MLIP: variants seen among roughly 807,000 people sequenced by gnomAD.
MLIP encodes the protein muscular LMNA interacting protein, also known as muscular LMNA-interacting protein.
MLIP carries 79 observed loss-of-function variants against 84.8 expected under a neutral mutation model. That is an observed-to-expected ratio of 0.93 (90% CI 0.78 to 1.12). MLIP has a LOEUF of 1.12. MLIP is among the 50% of genes most tolerant of loss of function. MLIP has a pLI of 0.00. For synonymous variants in MLIP, 504 were observed against 463.0 expected (o/e 1.09, Z -1.14); for missense variants, 1,257 against 1,160.6 (o/e 1.08, Z -1.21).
chr6:54,219,909 A>T (rs1322306219), intron 11 of MLIP, among the ~76,000 whole-genome samples: 3 of 152,162 alleles, frequency 2.0e-5, no homozygotes, highest in African/African-American at 4.8e-5. Flanking sequence ...CATACGATTT[A>T]TCATTTTTAA....
chr6:54,029,534 A>G (rs1395978606), intron 1 of MLIP: 1 of 152,192 alleles, frequency 6.6e-6, no homozygotes, highest in Non-Finnish European at 1.5e-5. Flanking sequence ...CCCGGAGTAT[A>G]TTTCTGTTCT....
chr6:54,170,973 A>AC lies in MLIP; in HGVS notation c.2544+1407dup, dbSNP rs533400511. The stretch of plus-strand genomic sequence containing the variant: ...GACTAATACATTTTACAAGAGCCAG[A>AC]CCCCCCAAAAAAGTTGCTGCAATTT... On this transcript the variant is annotated intron_variant, in intron 9 of 13. Coordinates refer to ENST00000502396, the MANE Select transcript of MLIP (RefSeq NM_001281747.2). Among the ~76,000 whole-genome samples, 5 of 151,174 alleles carry AC rather than the reference A, an allele frequency of 3.3e-5. No homozygotes were observed. The South Asian group carries it at 6.3e-4, about 19-fold the overall frequency.
intron 11 of MLIP, among the ~76,000 whole-genome samples, chr6:54,227,065 G>T (rs1780625350): frequency 6.6e-6 from 1 of 152,290 alleles, no homozygotes; most frequent in South Asian, 2.1e-4. Context: ...CCCTCTTGCT[G>T]TTGTCATGAC....
intron 12 of MLIP, among the ~76,000 whole-genome samples, chr6:54,252,407 A>G (rs1205317146): frequency 9.6e-6 from 1 of 103,630 alleles, no homozygotes; most frequent in African/African-American, 4.7e-5. Context: ...TATATAATAT[A>G]ACTATAGTAT....
At chr6:54,232,074 C>T (rs143106824) in intron 12 of MLIP, among the ~76,000 whole-genome samples, 113 of 151,984 alleles carry the variant, frequency 7.4e-4, no homozygotes, top group African/African-American at 2.5e-3. Flanking sequence ...GTTTGTGTCC[C>T]ATTCTTGGTC....
intron 1 of MLIP, among the ~76,000 whole-genome samples, chr6:54,101,237 T>C (rs1768620315): frequency 6.6e-6 from 1 of 152,046 alleles, no homozygotes; most frequent in South Asian, 2.1e-4. Context: ...GTAAAAATAT[T>C]AAGGGGGGAA....
intron 9 of MLIP, among the ~76,000 whole-genome samples, chr6:54,174,247 T>C (rs1198798025): frequency 3.3e-5 from 5 of 152,068 alleles, no homozygotes; most frequent in Non-Finnish European, 7.4e-5. Context: ...CTTTTGGGTA[T>C]ATGACCAGCA....
chr6:54,075,457 T>A (rs374085854), intron 1 of MLIP, among the ~76,000 whole-genome samples: 1 of 152,142 alleles, frequency 6.6e-6, no homozygotes, highest in Non-Finnish European at 1.5e-5. Context: ...TCAAGGCAAC[T>A]TTTAATTATG....
At chr6:54,156,757 C>G (rs576634503) in intron 5 of MLIP, among the ~76,000 whole-genome samples, 2 of 152,094 alleles carry the variant, frequency 1.3e-5, no homozygotes, top group Non-Finnish European at 2.9e-5. Context: ...TAAAGACCTT[C>G]ACTAAGCACC....
intron 4 of MLIP, among the ~76,000 whole-genome samples, chr6:54,140,394 A>G (rs1051709124): frequency 6.6e-6 from 1 of 152,160 alleles, no homozygotes; most frequent in Non-Finnish European, 1.5e-5. Context: ...AATTTTCAGC[A>G]TTTGCTTTTT....
At chr6:54,093,949 A>G (rs1291679800) in intron 1 of MLIP, among the ~76,000 whole-genome samples, 1 of 152,200 alleles carries the variant, frequency 6.6e-6, no homozygotes, top group Non-Finnish European at 1.5e-5. Flanking sequence ...TCTGATAATG[A>G]ATGTAAAGCA....
At chr6:54,212,659 A>G (rs1290337212) in intron 11 of MLIP, among the ~76,000 whole-genome samples, 1 of 151,974 alleles carries the variant, frequency 6.6e-6, no homozygotes, top group Non-Finnish European at 1.5e-5. Flanking sequence ...GTCAGTTTCT[A>G]TTCACTTCCT....
At chr6:54,138,776 G>A (rs1396875413) in intron 4 of MLIP, among the ~76,000 whole-genome samples, 1 of 152,138 alleles carries the variant, frequency 6.6e-6, no homozygotes, top group South Asian at 2.1e-4. Context: ...CGTTCTCGTA[G>A]CAGAAAGCAA....
chr6:54,023,500 G>A (rs1000689695), intron 1 of MLIP, among the ~76,000 whole-genome samples: 2 of 151,916 alleles, frequency 1.3e-5, no homozygotes, highest in African/African-American at 4.8e-5. Flanking sequence ...ATTTACTTAT[G>A]ATCTCATAAT....
Position 54,041,566 on chromosome 6 carries a change from GT to G in MLIP, c.63+22476del, listed in dbSNP as rs1764743375. On this transcript the variant is annotated intron_variant, in intron 1 of 12. Coordinates refer to the MLIP transcript ENST00000274897. ...GCAAAGTGTGTGTGAGTTCCAGTTG[GT>G]CTACATCTCTACCCACACTTGATAT... Among the ~76,000 whole-genome samples, 3 of 152,084 alleles carry G rather than the reference GT, an allele frequency of 2.0e-5. No individual in the cohort carries two copies. The South Asian group carries it at 6.2e-4, about 32-fold the overall frequency.
intron 4 of MLIP, among the ~76,000 whole-genome samples, chr6:54,143,433 T>C (rs922595542): frequency 1.3e-5 from 2 of 152,130 alleles, no homozygotes; most frequent in East Asian, 3.8e-4. Context: ...CTTGAACTCC[T>C]GACCTCAGGT....
At chr6:54,233,422 T>G (rs1431248041) in intron 12 of MLIP, among the ~76,000 whole-genome samples, 1 of 150,646 alleles carries the variant, frequency 6.6e-6, no homozygotes, top group Non-Finnish European at 1.5e-5. Flanking sequence ...AGTGAGAACA[T>G]GCAGAGTTTG....
chr6:54,172,623 T>A (rs1775879420), intron 9 of MLIP, among the ~76,000 whole-genome samples: 1 of 151,508 alleles, frequency 6.6e-6, no homozygotes, highest in Non-Finnish European at 1.5e-5. Context: ...TTTCCTGGGA[T>A]AATTATAATG....
chr6:54,220,245 A>G (rs546239814), intron 11 of MLIP, among the ~76,000 whole-genome samples: 89 of 152,312 alleles, frequency 5.8e-4, no homozygotes, highest in South Asian at 1.7e-3. Context: ...GTTTTAACTA[A>G]TAATTGCATT....
Sources: gnomAD v4.1 joint callset for allele counts (sites outside exome capture counted in the v4.1 genomes callset) on GRCh38, gnomAD v4.1.1 for gene constraint, MANE v1.5 for transcripts, NCBI Gene and HGNC (gene_info 2026-07-23, HGNC 2026-07-21) for gene names.